Variants in ZDHHC3 observed in about 807,000 individuals in gnomAD.
The protein encoded by ZDHHC3 is palmitoyltransferase ZDHHC3.
In ZDHHC3, 9 loss-of-function variants were observed where a neutral mutation model predicts 30.6. The ratio of observed to expected loss-of-function variants is 0.29; its 90% CI spans 0.18 to 0.51. ZDHHC3 has a LOEUF of 0.51. ZDHHC3 is among the 20% of genes least tolerant of loss of function. The pLI, the probability that ZDHHC3 is intolerant of heterozygous loss-of-function variation, is 0.97. For missense variants in ZDHHC3, 246 were observed against 384.2 expected, an observed-to-expected ratio of 0.64 and a Z score of 3.01; for synonymous variants, 136 against 140.2, an observed-to-expected ratio of 0.97 and a Z score of 0.21.
At position 44,935,761 on chromosome 3, in the gene ZDHHC3, G is replaced by C. The variant is rs570256157; in HGVS notation, c.432-1777C>G. Among the ~76,000 whole-genome samples, 211 of 152,222 alleles carry C rather than the reference G, an allele frequency of 1.4e-3. 2 individuals are homozygous for C. The highest frequency in any genetic ancestry group is 4.5e-3 in the African/African-American group (188 of 41,514). On this transcript the variant is annotated intron_variant, in intron 3 of 6. Transcript: ENST00000424952. ...CCTTTAAAAACCTGCTTGTAAATGGGGAAAAGACTCCCTATTCAATAAATG... is the reference window on the plus strand; with the variant it reads ...CCTTTAAAAACCTGCTTGTAAATGGCGAAAAGACTCCCTATTCAATAAATG...
chr3:44,929,609 C>T (rs1701312880), intron 5 of ZDHHC3, among the ~76,000 whole-genome samples, 173 bp from the exon 6 acceptor site: 1 of 152,198 alleles, frequency 6.6e-6, no homozygotes, highest in Middle Eastern at 3.2e-3. Context: ...CCCACACTGG[C>T]TATCTCTCAA....
At chr3:44,930,020 C>T (rs1032302525) in intron 5 of ZDHHC3, among the ~76,000 whole-genome samples, 2 of 152,208 alleles carry the variant, frequency 1.3e-5, no homozygotes, top group African/African-American at 4.8e-5. Flanking sequence ...TAATGCACTG[C>T]CCCCGCTCCC....
At chr3:44,968,672 G>A (rs1705158098) in intron 1 of ZDHHC3, among the ~76,000 whole-genome samples, 1 of 152,100 alleles carries the variant, frequency 6.6e-6, no homozygotes, top group Non-Finnish European at 1.5e-5. Flanking sequence ...CTCCAGCTTG[G>A]GTGACAGAGT....
chr3:44,945,245 TAAA>T lies in ZDHHC3; in HGVS notation c.351_353del (p.Ser117_Leu118delinsArg), dbSNP rs776801739. 6.2e-7 allele frequency: 1 copy of T among 1,614,248 alleles called. No individual in the cohort carries two copies. Among genetic ancestry groups the T allele is most frequent in the East Asian group, 2.2e-5 (1 of 44,874 alleles). The stretch of plus-strand genomic sequence containing the variant: ...ACACCACCTGCCCAGGCTTCAACTG[TAAA>T]CTCTCGATGAATTCTTTAGTGGCAT... On this transcript the variant is annotated inframe_deletion, in exon 3 of 7. Coordinates refer to ENST00000424952, the MANE Select transcript of ZDHHC3 (RefSeq NM_001135179.2).
intron 3 of ZDHHC3, among the ~76,000 whole-genome samples, chr3:44,944,321 T>G (rs1344966938): frequency 2.0e-5 from 3 of 152,088 alleles, no homozygotes; most frequent in Non-Finnish European, 2.9e-5. Context: ...TAATTTTGTA[T>G]CTTTAGTAAA....
chr3:44,950,011 A>T (rs1703302390), intron 2 of ZDHHC3, among the ~76,000 whole-genome samples: 1 of 151,770 alleles, frequency 6.6e-6, no homozygotes, highest in African/African-American at 2.4e-5. Flanking sequence ...AATTACAAAA[A>T]TTTTTTAGAG....
chr3:44,937,931 CAAGGAACTGCCG>C, intron 3 of ZDHHC3: 1 of 483,898 alleles, frequency 2.1e-6, no homozygotes, highest in South Asian at 1.5e-5. Context: ...TCAAAGCCCT[CAAGGAACTGCCG>C]TGAGACAGAA....
At chr3:44,972,319 C>T (rs1264541763) in intron 1 of ZDHHC3, among the ~76,000 whole-genome samples, 31 of 152,118 alleles carry the variant, frequency 2.0e-4, no homozygotes, top group East Asian at 3.9e-4. Flanking sequence ...AAAAATTAGC[C>T]GGGAGTGGTG....
chr3:44,933,756 G>C, intron 4 of ZDHHC3, 132 bp downstream of exon 4: 1 of 824,302 alleles, frequency 1.2e-6, no homozygotes, highest in Non-Finnish European at 2.0e-6. Flanking sequence ...GAGATCTTTG[G>C]CAGGAAGGCA....
intron 3 of ZDHHC3, among the ~76,000 whole-genome samples, chr3:44,943,483 G>A (rs1204310680): frequency 3.3e-5 from 5 of 152,160 alleles, no homozygotes; most frequent in African/African-American, 4.8e-5. Context: ...TCCGGAATCT[G>A]AGTGCTGGAG....
chr3:44,923,118 C>T lies in ZDHHC3; in HGVS notation c.*3571G>A, dbSNP rs1310757356. Reference sequence around the variant, plus strand: ...TGAGACGGAGTCTCACTCTGTCGCCCAGGCTGGAGTGCAGTGGTGCGATCT... The same window carrying T: ...TGAGACGGAGTCTCACTCTGTCGCCTAGGCTGGAGTGCAGTGGTGCGATCT... On this transcript the variant is annotated 3_prime_UTR_variant, in exon 7 of 7. Transcript: ENST00000424952. 1 of 977,918 alleles carries T rather than the reference C, an allele frequency of 1.0e-6. No homozygotes were observed. The highest frequency in any genetic ancestry group is 1.8e-5 in the African/African-American group (1 of 56,926). The allele number at this position is 977,918 out of a possible 1,614,324, so 60.6% of individuals were successfully genotyped here.
At position 44,922,461 on chromosome 3, in the gene ZDHHC3, T is replaced by C. The variant is rs1030321568; in HGVS notation, c.*4228A>G. The C allele has an allele frequency of 1.8e-5, 18 of 985,324 alleles. No homozygotes were observed. The highest frequency in any genetic ancestry group is 2.2e-5 in the Non-Finnish European group (18 of 829,934). 61.0% of individuals were successfully genotyped at this position (985,324 alleles called of 1,614,324 possible). On this transcript the variant is annotated 3_prime_UTR_variant, in exon 7 of 7. Coordinates refer to ENST00000424952, the MANE Select transcript of ZDHHC3 (RefSeq NM_001135179.2). The stretch of plus-strand genomic sequence containing the variant: ...TAATTTGGATCTGCTTCATACAGAC[T>C]TTCTTTGATGTCTTGGCAGTTGTTT...
chr3:44,968,152 T>C (rs1705115028), intron 1 of ZDHHC3, among the ~76,000 whole-genome samples: 5 of 152,036 alleles, frequency 3.3e-5, no homozygotes, highest in African/African-American at 1.2e-4. Flanking sequence ...CACCCAAAGT[T>C]GGAATGAGAC....
At position 44,918,224 on chromosome 3, in the gene ZDHHC3, T is replaced by G; in HGVS notation, c.*8465A>C. 10 of 1,106,536 alleles carry G rather than the reference T, an allele frequency of 9.0e-6. No individual in the cohort carries two copies. The Admixed American group carries it at 1.6e-4, about 17-fold the overall frequency. 68.5% of individuals were successfully genotyped at this position (1,106,536 alleles called of 1,614,324 possible). A position where few individuals can be genotyped will look rare whatever the true frequency, so the allele number is the denominator to read the frequency against. On this transcript the variant is annotated 3_prime_UTR_variant, in exon 7 of 7. Transcript: ENST00000424952. ...CACATAGACACCCCCAGCTATAGCA[T>G]AGCAGTGGCGGGGGGGGGGGCGGGG... is the stretch of plus-strand genomic sequence containing the variant.
chr3:44,931,133 C>G (rs921743981), intron 5 of ZDHHC3, among the ~76,000 whole-genome samples: 3 of 152,218 alleles, frequency 2.0e-5, no homozygotes, highest in African/African-American at 7.2e-5. Context: ...CAGTGCCTGA[C>G]AACAAAAGGA....
intron 1 of ZDHHC3, among the ~76,000 whole-genome samples, chr3:44,969,114 C>G (rs1410699469): frequency 2.0e-5 from 3 of 152,218 alleles, no homozygotes; most frequent in Non-Finnish European, 4.4e-5. Flanking sequence ...GAACACTTGC[C>G]GATGACGGTG....
intron 2 of ZDHHC3, among the ~76,000 whole-genome samples, chr3:44,956,908 T>C (rs1704003082): frequency 6.6e-6 from 1 of 152,196 alleles, no homozygotes; most frequent in South Asian, 2.1e-4. Context: ...CTGCACAATC[T>C]GGCCTCTGAG....
At chr3:44,971,724 G>T (rs1324889995) in intron 1 of ZDHHC3, among the ~76,000 whole-genome samples, 2 of 152,112 alleles carry the variant, frequency 1.3e-5, no homozygotes, top group Non-Finnish European at 2.9e-5. Context: ...CACACATGAA[G>T]ACTGTATAAC....
At position 44,922,877 on chromosome 3, in the gene ZDHHC3, T is replaced by G; in HGVS notation, c.*3812A>C. On this transcript the variant is annotated 3_prime_UTR_variant, in exon 7 of 7. Coordinates refer to ENST00000424952, the MANE Select transcript of ZDHHC3 (RefSeq NM_001135179.2). Reference sequence around the variant, plus strand: ...GGATTCTAGCAAAATCTTTCTCTTTTCACATTTCTTTGATATCTAAGGGCA... The same window carrying G: ...GGATTCTAGCAAAATCTTTCTCTTTGCACATTTCTTTGATATCTAAGGGCA... The G allele has an allele frequency of 6.1e-6, 6 of 985,276 alleles. No individual in the cohort carries two copies. The highest frequency in any genetic ancestry group is 7.2e-6 in the Non-Finnish European group (6 of 829,908). 61.0% of individuals were successfully genotyped at this position (985,276 alleles called of 1,614,324 possible).
Sources: gnomAD v4.1 joint callset for allele counts (sites outside exome capture counted in the v4.1 genomes callset) on GRCh38, gnomAD v4.1.1 for gene constraint, MANE v1.5 for transcripts, NCBI Gene and HGNC (gene_info 2026-07-23, HGNC 2026-07-21) for gene names.